FBXO5: variants seen among roughly 807,000 people sequenced by gnomAD.
FBXO5 encodes the protein F-box protein 5.
FBXO5 carries 8 observed loss-of-function variants against 43.3 expected under a neutral mutation model. That is an observed-to-expected ratio of 0.18 (90% confidence interval 0.11 to 0.33). The LOEUF is 0.33. Ranked by LOEUF, FBXO5 falls within the 10% of genes least tolerant of loss-of-function variation. FBXO5 has a pLI of 1.00. For missense variants in FBXO5, 491 were observed against 535.7 expected, an observed-to-expected ratio of 0.92 and a Z score of 0.82; for synonymous variants, 204 against 193.7, an observed-to-expected ratio of 1.05 and a Z score of -0.44.
intron 1 of FBXO5, 126 bp from the exon 2 acceptor site, chr6:152,975,747 C>T: frequency 1.7e-6 from 1 of 605,638 alleles, no homozygotes. Context: ...CATGTACTTG[C>T]TTACATAGCT....
At chr6:152,979,392 A>T (rs530392733) in intron 1 of FBXO5, among the ~76,000 whole-genome samples, 1 of 152,302 alleles carries the variant, frequency 6.6e-6, no homozygotes, top group East Asian at 1.9e-4. Context: ...TCTCAGCCTT[A>T]GTCTGGGGCT....
At position 152,975,598 on chromosome 6, in the gene FBXO5, G is replaced by C. The variant is rs147301320; in HGVS notation, c.127C>G (p.Leu43Val). 1 of 1,600,832 alleles carries C rather than the reference G, an allele frequency of 6.2e-7. No individual in the cohort carries two copies. The highest frequency in any genetic ancestry group is 1.1e-5 in the South Asian group (1 of 88,780). The change falls in exon 2 of 5, where the codon CTT becomes GTT. Residue 43 changes from leucine to valine, a missense_variant. Coordinates refer to ENST00000229758, the MANE Select transcript of FBXO5 (RefSeq NM_012177.5). ...AAATCACACTTCATTTTGACAGAAA[G>C]GGTAGAACTTTCTTCTTTACAACCT... ...SDSCKEESST[L>V]SVKMKCDFNC...
In FBXO5 at chr6:152,978,376, T is replaced by TGGGGGGGGG. The variant is rs1234180495; in HGVS notation, c.104-2756_104-2755insCCCCCCCCC. ...CATTAATCATGGAGAGCTTCATTTT[T>TGGGGGGGGG]TGGGGGGGGGGGGGGGGCGGGGGAC... On this transcript the variant is annotated intron_variant, in intron 1 of 4. Coordinates refer to ENST00000229758, the MANE Select transcript of FBXO5 (RefSeq NM_012177.5). 8.8e-4 allele frequency among the ~76,000 whole-genome samples: 5 copies of TGGGGGGGGG among 5,708 alleles called. 2 individuals are homozygous for TGGGGGGGGG. Among genetic ancestry groups the TGGGGGGGGG allele is most frequent in the African/African-American group, 1.1e-3 (2 of 1,780 alleles). 3.7% of individuals were successfully genotyped at this position (5,708 alleles called of 152,430 possible).
chr6:152,977,217 A>C (rs1042768493), intron 1 of FBXO5, among the ~76,000 whole-genome samples: 4 of 152,208 alleles, frequency 2.6e-5, no homozygotes, highest in Non-Finnish European at 4.4e-5. Context: ...GAAAGCCTGA[A>C]TCTTAAATGC....
Position 152,978,291 on chromosome 6 carries a change from C to G in FBXO5, c.104-2670G>C, listed in dbSNP as rs147755097. ...ACCTTTCCATCCCAGGGGCTTTGTA[C>G]ATCATGCCTTTCCCTGCTTAGAATC... On this transcript the variant is annotated intron_variant, in intron 1 of 4. Transcript: ENST00000229758. 2.8e-3 allele frequency among the ~76,000 whole-genome samples: 413 copies of G among 145,034 alleles called. 3 individuals carry two copies. Among genetic ancestry groups the G allele is most frequent in the African/African-American group, 0.01 (401 of 39,080 alleles).
At chr6:152,979,785 T>C (rs74888537) in intron 1 of FBXO5, among the ~76,000 whole-genome samples, 1,530 of 152,330 alleles carry the variant, frequency 0.01, 25 homozygotes, top group African/African-American at 0.033. Context: ...CCATTTCACA[T>C]ACTTAAATCA....
At chr6:152,983,266 G>A (rs1218539501), upstream of FBXO5, 18 of 291,632 alleles carry the variant, frequency 6.2e-5, no homozygotes, top group Non-Finnish European at 9.5e-5. Flanking sequence ...TGCTACGGCC[G>A]GGGGCGGGAC....
intron 1 of FBXO5, among the ~76,000 whole-genome samples, chr6:152,979,538 T>C (rs1256876237): frequency 3.9e-5 from 6 of 152,192 alleles, no homozygotes; most frequent in Admixed American, 3.9e-4. Flanking sequence ...TTGAAACTTT[T>C]TGGAAGGAAG....
At position 152,970,735 on chromosome 6, in the gene FBXO5, T is replaced by C. The variant is rs1158507891; in HGVS notation, c.*428A>G. Reference sequence around the variant, plus strand: ...AAGCTTTAGAAAGGTGACAACACATTTAATAGACTCCAGAAGTTGATATTT... The same window carrying C: ...AAGCTTTAGAAAGGTGACAACACATCTAATAGACTCCAGAAGTTGATATTT... On this transcript the variant is annotated 3_prime_UTR_variant, in exon 5 of 5. Coordinates refer to ENST00000229758, the MANE Select transcript of FBXO5 (RefSeq NM_012177.5). 6.5e-6 allele frequency: 1 copy of C among 153,560 alleles called. No homozygotes were observed. The highest frequency in any genetic ancestry group is 1.4e-5 in the Non-Finnish European group (1 of 69,062). 9.5% of individuals were successfully genotyped at this position (153,560 alleles called of 1,614,324 possible).
At position 152,973,087 on chromosome 6, in the gene FBXO5, C is replaced by T; in HGVS notation, c.868G>A (p.Gly290Arg). 1.2e-6 allele frequency: 2 copies of T among 1,613,920 alleles called. No homozygotes were observed. Among genetic ancestry groups the T allele is most frequent in the Non-Finnish European group, 1.7e-6 (2 of 1,179,918 alleles). Residue 290 changes from glycine (G) to arginine (R), a missense_variant, in exon 3 of 5, where the codon GGG becomes AGG. By Grantham distance (125) the Gly-to-Arg change is moderately radical. Coordinates refer to ENST00000229758, the MANE Select transcript of FBXO5 (RefSeq NM_012177.5). ...GCTTTACTGTACAACTGGAATGCCCCCTTATCATCTTCTAGGATCTTCTTC... is the reference window on the plus strand; with the variant it reads ...GCTTTACTGTACAACTGGAATGCCCTCTTATCATCTTCTAGGATCTTCTTC... ...TWKKILEDDK[G>R]AFQLYSKAIQ...
chr6:152,974,846 G>T, intron 2 of FBXO5, 61 bp downstream of exon 2: 1 of 1,329,622 alleles, frequency 7.5e-7, no homozygotes, highest in Non-Finnish European at 1.0e-6. Context: ...TGGTGGTACT[G>T]AGCCACTAAC....
chr6:152,973,192 T>G, intron 2 of FBXO5, 56 bp from the exon 3 acceptor site: 1 of 1,375,520 alleles, frequency 7.3e-7, no homozygotes, highest in East Asian at 2.3e-5. Context: ...AGAGCTAAGA[T>G]GAATACAGTA....
Position 152,974,806 on chromosome 6 carries a change from C to G in FBXO5, c.818+101G>C. 4.4e-6 allele frequency: 4 copies of G among 912,104 alleles called. No individual in the cohort carries two copies. In the Middle Eastern group the frequency reaches 9.0e-4, roughly 205 times the overall value. The allele number at this position is 912,104 out of a possible 1,614,324, so 56.5% of individuals were successfully genotyped here. ...TACTAAGCATTTCAGATGAGGGACA[C>G]TCAACCTGTACAACAGCCTTTGCAT... On this transcript the variant is annotated intron_variant, in intron 2 of 4. Transcript: ENST00000229758.
At position 152,974,945 on chromosome 6, in the gene FBXO5, T is replaced by C. The variant is rs201579649; in HGVS notation, c.780A>G (p.Ala260=). Residue 260 remains alanine, a synonymous_variant, in exon 2 of 5, where the codon GCA becomes GCG. Coordinates refer to ENST00000229758, the MANE Select transcript of FBXO5 (RefSeq NM_012177.5). ...TGTCACTGAGTTGTGCTAAAATAGT[T>C]GCTAAGACATGTCTGAGTCCCCTTC... ...LFRRGLRHVL[A]TILAQLSDMD... is the part of the protein sequence containing the mutation. The C allele has an allele frequency of 2.5e-5, 41 of 1,608,682 alleles. No homozygotes were observed. Among genetic ancestry groups the C allele is most frequent in the South Asian group, 3.3e-5 (3 of 90,064 alleles).
intron 1 of FBXO5, 94 bp downstream of exon 1, chr6:152,982,763 C>A (rs1778282849): frequency 1.1e-6 from 1 of 881,246 alleles, no homozygotes; most frequent in African/African-American, 1.8e-5. Context: ...CGTCCAGGCT[C>A]CGAGGGACGT....
intron 1 of FBXO5, among the ~76,000 whole-genome samples, 166 bp from the exon 2 acceptor site, chr6:152,975,787 T>G (rs899318235): frequency 6.6e-6 from 1 of 152,226 alleles, no homozygotes; most frequent in Non-Finnish European, 1.5e-5. Context: ...ATTATTGATA[T>G]GACAATAATA....
intron 2 of FBXO5, among the ~76,000 whole-genome samples, chr6:152,974,497 G>A (rs758811131): frequency 5.3e-5 from 8 of 152,146 alleles, no homozygotes; most frequent in Non-Finnish European, 8.8e-5. Flanking sequence ...AATTTGAAAT[G>A]ACTAGGTTAA....
At position 152,972,758 on chromosome 6, in the gene FBXO5, A is replaced by G. The variant is rs575038529; in HGVS notation, c.909+288T>C. 35 of 479,332 alleles carry G rather than the reference A, an allele frequency of 7.3e-5. No homozygotes were observed. In the East Asian group the frequency reaches 1.2e-3, roughly 17 times the overall value. The allele number at this position is 479,332 out of a possible 1,614,324, so 29.7% of individuals were successfully genotyped here. On this transcript the variant is annotated intron_variant, in intron 3 of 4. Transcript: ENST00000229758. ...CCAAATTTTCCAGATGTTATAAAAT[A>G]CACATACACACAACTGGCAACTAAG...
At chr6:152,981,591 A>C (rs1456219081) in intron 1 of FBXO5, among the ~76,000 whole-genome samples, 1 of 152,110 alleles carries the variant, frequency 6.6e-6, no homozygotes, top group African/African-American at 2.4e-5. Flanking sequence ...AACTGGGGAA[A>C]AAATTCCAAC....
Sources: allele counts gnomAD v4.1 joint callset (sites outside exome capture counted in the v4.1 genomes callset), GRCh38; gene constraint gnomAD v4.1.1; transcripts MANE v1.5; gene names NCBI Gene and HGNC (gene_info 2026-07-23, HGNC 2026-07-21).